Variants in SLCO2B1 observed in about 807,000 individuals in gnomAD.
SLCO2B1 encodes solute carrier organic anion transporter family member 2B1.
A neutral mutation model predicts 67.3 loss-of-function variants in SLCO2B1; 41 were observed. The ratio of observed to expected loss-of-function variants is 0.61; its 90% CI spans 0.47 to 0.79. SLCO2B1 has a LOEUF of 0.79. SLCO2B1 is among the 30% of genes least tolerant of loss of function. The pLI is 0.00. For synonymous variants in SLCO2B1, 379 were observed against 381.4 expected, an observed-to-expected ratio of 0.99 and a Z score of 0.07; for missense variants, 837 against 920.1, an observed-to-expected ratio of 0.91 and a Z score of 1.17.
At chr11:75,157,965 A>G (rs982341001) in intron 1 of SLCO2B1, among the ~76,000 whole-genome samples, 1 of 152,164 alleles carries the variant, frequency 6.6e-6, no homozygotes, top group Non-Finnish European at 1.5e-5. Flanking sequence ...TTTATTTAAT[A>G]TAAGTTTTAC....
intron 6 of SLCO2B1, among the ~76,000 whole-genome samples, chr11:75,170,805 G>C (rs565088101): frequency 8.5e-5 from 13 of 152,296 alleles, no homozygotes; most frequent in African/African-American, 3.1e-4. Context: ...AAAGTCCTGG[G>C]AGTCAGGGGT....
In SLCO2B1 at chr11:75,200,369, C is replaced by T. The variant is rs781025711; in HGVS notation, c.1745C>T (p.Ser582Phe). The T allele has an allele frequency of 2.5e-6, 4 of 1,606,838 alleles. No individual in the cohort carries two copies. Among genetic ancestry groups the T allele is most frequent in the Non-Finnish European group, 3.4e-6 (4 of 1,175,796 alleles). The change falls in exon 11 of 14, where the codon TCC (serine) becomes TTC (phenylalanine). Residue 582 changes from serine (S) to phenylalanine (F), a missense_variant. By Grantham distance (155) the Ser-to-Phe change is radical. Transcript: ENST00000289575. ...SALACLTHTP[S>F]FMLILRGVKK... Reference sequence around the variant, plus strand: ...CTGGCCTGTCTCACCCACACACCCTCCTTCATGCTCATCCTAAGGTGAAGG... The same window carrying T: ...CTGGCCTGTCTCACCCACACACCCTTCTTCATGCTCATCCTAAGGTGAAGG...
intron 6 of SLCO2B1, among the ~76,000 whole-genome samples, chr11:75,171,110 C>G (rs1949954917): frequency 6.6e-6 from 1 of 152,174 alleles, no homozygotes; most frequent in Admixed American, 6.5e-5. Flanking sequence ...AGAATCAAGT[C>G]TAATCAGCGC....
intron 3 of SLCO2B1, among the ~76,000 whole-genome samples, chr11:75,164,904 C>T (rs537945512): frequency 4.6e-5 from 7 of 152,236 alleles, no homozygotes; most frequent in African/African-American, 4.8e-5. Context: ...TCTATGAATA[C>T]GGCCACTATG....
Position 75,200,376 on chromosome 11 carries a change from G to A in SLCO2B1, c.1752G>A (p.Met584Ile), listed in dbSNP as rs377570993. ...LACLTHTPSF[M>I]LILRGVKKED... ...GTCTCACCCACACACCCTCCTTCAT[G>A]CTCATCCTAAGGTGAAGGTGGGGGT... The change falls in exon 11 of 14, where the codon ATG becomes ATA. Residue 584 changes from methionine to isoleucine, a missense_variant. Met to Ile is a conservative substitution (Grantham distance 10). Coordinates refer to ENST00000289575, the MANE Select transcript of SLCO2B1 (RefSeq NM_007256.5). 1.3e-5 allele frequency: 21 copies of A among 1,605,368 alleles called. No homozygotes were observed. In the African/African-American group the frequency reaches 2.8e-4, roughly 21 times the overall value.
intron 8 of SLCO2B1, among the ~76,000 whole-genome samples, chr11:75,188,932 C>A (rs538599385): frequency 6.6e-6 from 1 of 152,316 alleles, no homozygotes; most frequent in African/African-American, 2.4e-5. Context: ...TCCTCCCACC[C>A]ACTGCTGAGC....
intron 1 of SLCO2B1, 43 bp from the exon 2 acceptor site, chr11:75,162,612 G>C (rs371833972): frequency 6.3e-7 from 1 of 1,591,408 alleles, no homozygotes; most frequent in Admixed American, 1.8e-5. Flanking sequence ...GGCCATTCTC[G>C]GGGATTCTAT....
In SLCO2B1 at chr11:75,172,304, C is replaced by A. The variant is rs1462719007; in HGVS notation, c.782-75C>A. On this transcript the variant is annotated intron_variant, in intron 6 of 13. Coordinates refer to ENST00000289575, the MANE Select transcript of SLCO2B1 (RefSeq NM_007256.5). ...CCTGGGCCACCTCATGTCTCAGAGG[C>A]CAGTCCCAGGATGGCGGCTTAGAAG... The A allele has an allele frequency of 2.9e-6, 4 of 1,382,764 alleles. No homozygotes were observed. In the African/African-American group the frequency reaches 5.8e-5, roughly 20 times the overall value. The allele number at this position is 1,382,764 out of a possible 1,614,324, so 85.7% of individuals were successfully genotyped here.
chr11:75,204,265 C>T (rs1441725906), intron 13 of SLCO2B1, 135 bp from the exon 14 acceptor site: 1 of 918,326 alleles, frequency 1.1e-6, no homozygotes, highest in Non-Finnish European at 1.6e-6. Context: ...CCCCCTCCTC[C>T]AGGGAAGAGC....
At position 75,169,384 on chromosome 11, in the gene SLCO2B1, C is replaced by A; in HGVS notation, c.660C>A (p.Asn220Lys). The stretch of plus-strand genomic sequence containing the variant: ...CCTACATCGATGACTTTGCCCACAA[C>A]AGCAACTCGCCCCTCTACCTCGGTG... ...GISYIDDFAH[N>K]SNSPLYLGIL... The change falls in exon 5 of 14, where the codon AAC (asparagine) becomes AAA (lysine). Residue 220 changes from asparagine (N) to lysine (K), a missense_variant. Asn to Lys is a moderately conservative substitution (Grantham distance 94). Transcript: ENST00000289575. 1.2e-6 allele frequency: 2 copies of A among 1,603,022 alleles called. No homozygotes were observed. Among genetic ancestry groups the A allele is most frequent in the South Asian group, 1.1e-5 (1 of 90,398 alleles).
chr11:75,182,638 A>G (rs1055596129), intron 7 of SLCO2B1, among the ~76,000 whole-genome samples: 19 of 151,982 alleles, frequency 1.3e-4, no homozygotes, highest in Non-Finnish European at 2.9e-5. Context: ...GCTACTCGGG[A>G]GGCTGAGACA....
At chr11:75,163,831 C>A (rs1250775246) in intron 2 of SLCO2B1, 132 bp from the exon 3 acceptor site, 6 of 1,042,406 alleles carry the variant, frequency 5.8e-6, no homozygotes, top group Admixed American at 2.5e-5. Flanking sequence ...CTGTTGGTCA[C>A]TCTCCCGCCC....
At chr11:75,174,378 G>A (rs1949999688) in intron 7 of SLCO2B1, among the ~76,000 whole-genome samples, 2 of 151,972 alleles carry the variant, frequency 1.3e-5, no homozygotes, top group African/African-American at 4.8e-5. Flanking sequence ...TTTGGAGAGG[G>A]TGGGGGCGGG....
chr11:75,172,486 T>C lies in SLCO2B1; in HGVS notation c.889T>C (p.Phe297Leu). 1.2e-6 allele frequency: 2 copies of C among 1,614,172 alleles called. No individual in the cohort carries two copies. The highest frequency in any genetic ancestry group is 2.2e-5 in the South Asian group (2 of 91,084). The change falls in exon 7 of 14, where the codon TTC becomes CTC. Residue 297 changes from phenylalanine (F) to leucine (L), a missense_variant. Coordinates refer to ENST00000289575, the MANE Select transcript of SLCO2B1 (RefSeq NM_007256.5). ...VALAAIPYFF[F>L]PKEMPKEKRE... Reference sequence around the variant, plus strand: ...CCTGGCTGCCATCCCCTACTTCTTCTTCCCCAAGGAAATGCCCAAGGAAAA... The same window carrying C: ...CCTGGCTGCCATCCCCTACTTCTTCCTCCCCAAGGAAATGCCCAAGGAAAA...
intron 2 of SLCO2B1, 140 bp from the exon 3 acceptor site, chr11:75,163,823 G>T: frequency 1.1e-6 from 1 of 917,622 alleles, no homozygotes; most frequent in Non-Finnish European, 1.6e-6. Context: ...TCTCTCTTCT[G>T]TTGGTCACTC....
At chr11:75,161,931 T>C (rs895877850) in intron 1 of SLCO2B1, among the ~76,000 whole-genome samples, 1 of 152,036 alleles carries the variant, frequency 6.6e-6, no homozygotes, top group Non-Finnish European at 1.5e-5. Context: ...CCAACATGCA[T>C]AAGGGAGGCC....
chr11:75,158,114 G>A (rs552655598), intron 1 of SLCO2B1, among the ~76,000 whole-genome samples: 23 of 152,098 alleles, frequency 1.5e-4, no homozygotes, highest in South Asian at 1.0e-3. Context: ...TCACGCTGTC[G>A]CCCAGGCTGG....
chr11:75,151,274 C>T lies in SLCO2B1; in HGVS notation c.-108C>T, dbSNP rs1949684319. 1.0e-6 allele frequency: 1 copy of T among 982,204 alleles called. No homozygotes were observed. Among genetic ancestry groups the T allele is most frequent in the African/African-American group, 1.6e-5 (1 of 62,274 alleles). The allele number at this position is 982,204 out of a possible 1,614,324, so 60.8% of individuals were successfully genotyped here. A position where few individuals can be genotyped will look rare whatever the true frequency, so the allele number is the denominator to read the frequency against. The stretch of plus-strand genomic sequence containing the variant: ...GTTATTGCATCCCTGCTGTGGCTCA[C>T]CTGCTGCTGTCTCCAGGAGCCCCTG... On this transcript the variant is annotated 5_prime_UTR_variant, in exon 1 of 14. Coordinates refer to ENST00000289575, the MANE Select transcript of SLCO2B1 (RefSeq NM_007256.5).
Position 75,164,007 on chromosome 11 carries a change from G to C in SLCO2B1, c.192G>C (p.Met64Ile). 1 of 1,605,668 alleles carries C rather than the reference G, an allele frequency of 6.2e-7. No individual in the cohort carries two copies. The highest frequency in any genetic ancestry group is 8.5e-7 in the Non-Finnish European group (1 of 1,176,256). ...GCCTGCTGCAGCTGGCGCAGCTCAT[G>C]ATCTCCGGCTACCTAAAGAGCTCCA... ...CHSLLQLAQL[M>I]ISGYLKSSIS... Residue 64 changes from methionine to isoleucine, a missense_variant, in exon 3 of 14, where the codon ATG (methionine) becomes ATC (isoleucine). Physicochemically the swap from Met to Ile is conservative, Grantham distance 10 (BLOSUM62 1). Coordinates refer to ENST00000289575, the MANE Select transcript of SLCO2B1 (RefSeq NM_007256.5).
Sources: gnomAD v4.1 joint callset for allele counts (sites outside exome capture counted in the v4.1 genomes callset) on GRCh38, gnomAD v4.1.1 for gene constraint, MANE v1.5 for transcripts, NCBI Gene and HGNC (gene_info 2026-07-23, HGNC 2026-07-21) for gene names.